SIPA1L2: variants seen among roughly 807,000 people sequenced by gnomAD.
The protein encoded by SIPA1L2 is signal induced proliferation associated 1 like 2.
A neutral mutation model predicts 163.9 loss-of-function variants in SIPA1L2; 56 were observed. The ratio of observed to expected loss-of-function variants is 0.34; its 90% CI spans 0.28 to 0.43. The LOEUF (loss-of-function observed/expected upper bound fraction) is 0.43, where lower values mean the gene tolerates loss of function less well. Among genes scored for constraint, SIPA1L2 ranks in the 20% least tolerant of loss-of-function variants. The pLI is 1.00. For synonymous variants in SIPA1L2, 877 were observed against 865.7 expected (o/e 1.01, Z -0.23); for missense variants, 1,974 against 2,193.5 (o/e 0.90, Z 2.00).
chr1:232,546,246 TTCTTC>T (rs1573060769), intron 2 of SIPA1L2, among the ~76,000 whole-genome samples: 1 of 152,322 alleles, frequency 6.6e-6, no homozygotes, highest in East Asian at 1.9e-4. Flanking sequence ...TCCCTTCACC[TTCTTC>T]TCTTCTCTAG....
chr1:232,483,210 G>A (rs1665455307), intron 6 of SIPA1L2, among the ~76,000 whole-genome samples: 2 of 151,778 alleles, frequency 1.3e-5, no homozygotes, highest in Admixed American at 1.3e-4. Context: ...CCCACTCAAG[G>A]GGATCTAAAT....
At chr1:232,475,091 A>G (rs1664974789) in intron 7 of SIPA1L2, among the ~76,000 whole-genome samples, 1 of 152,200 alleles carries the variant, frequency 6.6e-6, no homozygotes. Flanking sequence ...AAGCAAATCC[A>G]TATTCTCTAA....
Position 232,425,677 on chromosome 1 carries a change from G to T in SIPA1L2, c.4542C>A (p.Pro1514=). 1 of 1,613,812 alleles carries T rather than the reference G, an allele frequency of 6.2e-7. No individual in the cohort carries two copies. The highest frequency in any genetic ancestry group is 8.5e-7 in the Non-Finnish European group (1 of 1,179,954). ...SRSSVLDQAL[P]NDILFSTTPP... The stretch of plus-strand genomic sequence containing the variant: ...GGGTGGTGCTGAACAGAATGTCGTT[G>T]GGCAGGGCCTGGTCAAGCACGGAAC... Residue 1514 remains proline (P), a synonymous_variant, in exon 18 of 23, where the codon CCC becomes CCA. Transcript: ENST00000674635.
In SIPA1L2 at chr1:232,399,262, G is replaced by T; in HGVS notation, c.5034C>A (p.Asp1678Glu). The stretch of plus-strand genomic sequence containing the variant: ...GCACTTCTGCTTGGAGAACGGCCTT[G>T]TCTTGTTTTTCCTGGTCAGAGCAGA... ...LQTDLRKEKQ[D>E]KAVLQAEVQH... is the part of the protein sequence containing the mutation. Residue 1678 changes from aspartate (D) to glutamate (E), a missense_variant, in exon 23 of 23, where the codon GAC becomes GAA. This residue lies in a region of SIPA1L2 where 1,079 missense variants were observed against 1,150.7 expected (regional missense o/e 0.94). Transcript: ENST00000674635. 1.2e-6 allele frequency: 2 copies of T among 1,613,306 alleles called. No homozygotes were observed. Among genetic ancestry groups the T allele is most frequent in the Non-Finnish European group, 1.7e-6 (2 of 1,179,922 alleles).
At chr1:232,415,887 C>T (rs112046611) in intron 18 of SIPA1L2, 11 of 239,352 alleles carry the variant, frequency 4.6e-5, no homozygotes, top group African/African-American at 2.3e-4. Context: ...AGTCAGAACA[C>T]GGGCACCACT....
intron 2 of SIPA1L2, among the ~76,000 whole-genome samples, chr1:232,550,639 C>T (rs907812283): frequency 6.6e-6 from 1 of 152,158 alleles, no homozygotes; most frequent in Non-Finnish European, 1.5e-5. Flanking sequence ...GTAGCAGCAA[C>T]GTTTAATCTC....
Position 232,535,993 on chromosome 1 carries a change from C to A in SIPA1L2, c.-269-20385G>T, listed in dbSNP as rs116492870. Reference sequence around the variant, plus strand: ...TCTGTAGCTAAAACAGGTGAGAATTCTCTGAAACTTGGATTCCAGTGGTTG... The same window carrying A: ...TCTGTAGCTAAAACAGGTGAGAATTATCTGAAACTTGGATTCCAGTGGTTG... On this transcript the variant is annotated intron_variant, in intron 2 of 22. Transcript: ENST00000674635. Among the ~76,000 whole-genome samples the A allele has an allele frequency of 1.6e-3, 248 of 152,286 alleles. 2 individuals are homozygous for A. Among genetic ancestry groups the A allele is most frequent in the Non-Finnish European group, 2.6e-3 (177 of 68,030 alleles).
intron 1 of SIPA1L2, among the ~76,000 whole-genome samples, chr1:232,587,644 T>C (rs558162856): frequency 6.6e-6 from 1 of 152,290 alleles, no homozygotes; most frequent in East Asian, 1.9e-4. Context: ...ACCACATAAC[T>C]GCAGTTAAAA....
At chr1:232,401,685 C>A (rs937008044) in intron 22 of SIPA1L2, among the ~76,000 whole-genome samples, 3 of 152,200 alleles carry the variant, frequency 2.0e-5, no homozygotes, top group African/African-American at 7.2e-5. Flanking sequence ...GAACTCCACC[C>A]ACTTGCTCTT....
intron 2 of SIPA1L2, among the ~76,000 whole-genome samples, chr1:232,571,687 G>A (rs1055904437): frequency 7.9e-5 from 12 of 152,288 alleles, no homozygotes; most frequent in South Asian, 4.1e-4. Flanking sequence ...GCTTAGCACC[G>A]TCCCCTTGGG....
chr1:232,617,141 A>C (rs529958780), intron 1 of SIPA1L2, among the ~76,000 whole-genome samples: 1 of 152,364 alleles, frequency 6.6e-6, no homozygotes, highest in East Asian at 1.9e-4. Context: ...ATTCACCTAA[A>C]ATTTTCTAAG....
rs770985778 is a variant in SIPA1L2 at position 232,514,980 on chromosome 1, G to A, written c.360C>T (p.Asp120=). Residue 120 remains aspartate, a synonymous_variant, in exon 3 of 23, where the codon GAC becomes GAT. Transcript: ENST00000674635. ...ITSVLQNGQS[D]QSEGQQDEQL... ...GTTCATCTTGCTGACCTTCACTCTG[G>A]TCACTCTGCCCATTCTGCAGGACAG... 1 of 1,614,114 alleles carries A rather than the reference G, an allele frequency of 6.2e-7. No individual in the cohort carries two copies. The highest frequency in any genetic ancestry group is 1.1e-5 in the South Asian group (1 of 91,062).
intron 9 of SIPA1L2, among the ~76,000 whole-genome samples, chr1:232,463,655 A>G (rs1364223576): frequency 6.6e-6 from 1 of 152,268 alleles, no homozygotes; most frequent in Non-Finnish European, 1.5e-5. Flanking sequence ...TCAGAAGCAC[A>G]GATTATAATG....
At chr1:232,447,391 G>A (rs1488284910) in intron 10 of SIPA1L2, among the ~76,000 whole-genome samples, 2 of 152,182 alleles carry the variant, frequency 1.3e-5, no homozygotes, top group Non-Finnish European at 2.9e-5. Context: ...CCTGGCAATC[G>A]TATCTCCCAG....
chr1:232,521,040 G>C (rs1667438370), intron 2 of SIPA1L2, among the ~76,000 whole-genome samples: 1 of 152,082 alleles, frequency 6.6e-6, no homozygotes, highest in African/African-American at 2.4e-5. Context: ...TAATATTTTT[G>C]CCTGGTAAGT....
At chr1:232,410,813 C>G (rs963401471) in intron 19 of SIPA1L2, among the ~76,000 whole-genome samples, 1 of 151,996 alleles carries the variant, frequency 6.6e-6, no homozygotes, top group Non-Finnish European at 1.5e-5. Flanking sequence ...ATCTCTATGT[C>G]TCTTTTTTAA....
chr1:232,458,852 T>C (rs539755331), intron 10 of SIPA1L2, among the ~76,000 whole-genome samples: 1 of 152,314 alleles, frequency 6.6e-6, no homozygotes, highest in East Asian at 1.9e-4. Context: ...TTTAATAAAT[T>C]AATTTTTTAT....
intron 2 of SIPA1L2, among the ~76,000 whole-genome samples, chr1:232,540,727 G>GA (rs768680395): frequency 6.6e-6 from 1 of 152,014 alleles, no homozygotes; most frequent in Non-Finnish European, 1.5e-5. Context: ...GCAAATGCAA[G>GA]AGAGAGAGAG....
chr1:232,569,858 C>T (rs528293030), intron 2 of SIPA1L2, among the ~76,000 whole-genome samples: 1 of 152,216 alleles, frequency 6.6e-6, no homozygotes, highest in South Asian at 2.1e-4. Flanking sequence ...CTCTAAAGAT[C>T]CATTCAAGTC....
Sources: gnomAD v4.1 joint callset for allele counts (sites outside exome capture counted in the v4.1 genomes callset) on GRCh38, gnomAD v4.1.1 for gene constraint, gnomAD v4.1.1 regional missense constraint, MANE v1.5 for transcripts, NCBI Gene and HGNC (gene_info 2026-07-23, HGNC 2026-07-21) for gene names.